The following TMPRSS11E variants were observed in gnomAD, a reference collection of about 807,000 sequenced individuals.
TMPRSS11E encodes the protein transmembrane serine protease 11E, also known as transmembrane protease serine 11E.
Under a neutral mutation model 48.1 loss-of-function variants are expected in TMPRSS11E, and 38 were observed. The ratio of observed to expected loss-of-function variants is 0.79; its 90% confidence interval spans 0.61 to 1.04. The LOEUF (loss-of-function observed/expected upper bound fraction) is 1.04. Ranked by LOEUF, TMPRSS11E falls within the 50% of genes least tolerant of loss-of-function variation. The pLI is 0.00. For synonymous variants in TMPRSS11E, 158 were observed against 171.9 expected (o/e 0.92, Z 0.63); for missense variants, 530 against 510.8 (o/e 1.04, Z -0.36).
rs893048522 is a variant in TMPRSS11E, at chr4:68,463,037, G to A, written c.136+1092G>A. Among the ~76,000 whole-genome samples, 15 of 152,170 alleles carry A rather than the reference G, an allele frequency of 9.9e-5. No homozygotes were observed. In the South Asian group the frequency reaches 2.9e-3, roughly 29 times the overall value. On this transcript the variant is annotated intron_variant, in intron 2 of 9. Coordinates refer to ENST00000305363, the MANE Select transcript of TMPRSS11E (RefSeq NM_014058.4). ...ATTATACTTGGATGTTCAAGGCACC[G>A]TAACCATAGAAGCTAATAACTTGAT... is the stretch of plus-strand genomic sequence containing the variant.
rs552099563 is a variant in TMPRSS11E, at chr4:68,463,947, C to T, written c.136+2002C>T. Among the ~76,000 whole-genome samples the T allele has an allele frequency of 2.7e-4, 41 of 152,272 alleles. 1 individual carries two copies. In the South Asian group the frequency reaches 7.9e-3, roughly 29 times the overall value. Reference sequence around the variant, plus strand: ...AATGTCCCTTTCTACTTCTCATTTGCCTCTTCCCAAGCCAAGTTTTATAAG... The same window carrying T: ...AATGTCCCTTTCTACTTCTCATTTGTCTCTTCCCAAGCCAAGTTTTATAAG... On this transcript the variant is annotated intron_variant, in intron 2 of 9. Coordinates refer to ENST00000305363, the MANE Select transcript of TMPRSS11E (RefSeq NM_014058.4).
chr4:68,449,841 G>A (rs1728445343), intron 1 of TMPRSS11E, among the ~76,000 whole-genome samples: 2 of 151,810 alleles, frequency 1.3e-5, no homozygotes, highest in African/African-American at 4.8e-5. Context: ...AATGGGAGGT[G>A]CTCTTTCCCA....
chr4:68,494,499 C>T (rs1244043368), intron 9 of TMPRSS11E, among the ~76,000 whole-genome samples: 3 of 152,104 alleles, frequency 2.0e-5, no homozygotes, highest in African/African-American at 7.2e-5. Context: ...TGTTAACACC[C>T]TAATCTATTC....
chr4:68,471,348 TC>T (rs2109688371), intron 4 of TMPRSS11E, 111 bp from the exon 5 acceptor site: 1 of 669,234 alleles, frequency 1.5e-6, no homozygotes, highest in African/African-American at 1.9e-5. Context: ...TTTCTTTCTT[TC>T]CTCCCTCCCT....
chr4:68,492,389 G>C (rs1729751732), intron 9 of TMPRSS11E, among the ~76,000 whole-genome samples: 1 of 152,186 alleles, frequency 6.6e-6, no homozygotes, highest in African/African-American at 2.4e-5. Context: ...ACCTGAGGTT[G>C]AAAAATGTGA....
At chr4:68,493,947 T>C (rs1278038012) in intron 9 of TMPRSS11E, among the ~76,000 whole-genome samples, 4 of 152,172 alleles carry the variant, frequency 2.6e-5, no homozygotes, top group Admixed American at 2.0e-4. Context: ...CGACCTTGCC[T>C]TTCTTAAGAC....
chr4:68,476,513 T>A (rs1036705296), intron 7 of TMPRSS11E, 75 bp downstream of exon 7: 2 of 1,433,698 alleles, frequency 1.4e-6, no homozygotes, highest in African/African-American at 1.4e-5. Context: ...ACCTCATGAA[T>A]TTTGGGAGAT....
At chr4:68,470,679 T>C (rs1310819963) in intron 4 of TMPRSS11E, among the ~76,000 whole-genome samples, 3 of 151,846 alleles carry the variant, frequency 2.0e-5, no homozygotes, top group Admixed American at 2.0e-4. Flanking sequence ...TAGTGGTTGA[T>C]GCAATATATA....
intron 5 of TMPRSS11E, among the ~76,000 whole-genome samples, chr4:68,473,690 C>A (rs964741102): frequency 6.6e-6 from 1 of 152,074 alleles, no homozygotes; most frequent in African/African-American, 2.4e-5. Flanking sequence ...AGACCCAGTG[C>A]AGATGTATAA....
chr4:68,449,557 G>A (rs753961351), intron 1 of TMPRSS11E, among the ~76,000 whole-genome samples: 6 of 151,680 alleles, frequency 4.0e-5, no homozygotes, highest in South Asian at 2.1e-4. Flanking sequence ...AGTGTGGTCC[G>A]TAGACCCCTG....
intron 6 of TMPRSS11E, 130 bp from the exon 7 acceptor site, chr4:68,476,131 G>A: frequency 8.2e-7 from 1 of 1,216,566 alleles, no homozygotes; most frequent in Non-Finnish European, 1.2e-6. Flanking sequence ...AAAGGTAAGA[G>A]CATGAGAAAA....
intron 9 of TMPRSS11E, among the ~76,000 whole-genome samples, chr4:68,480,212 CT>C (rs1295411716): frequency 1.4e-5 from 2 of 139,282 alleles, no homozygotes; most frequent in African/African-American, 5.1e-5. Context: ...TCTTAAAATA[CT>C]CTTTCAGTCC....
At chr4:68,463,484 G>T (rs1360203944) in intron 2 of TMPRSS11E, among the ~76,000 whole-genome samples, 1 of 152,042 alleles carries the variant, frequency 6.6e-6, no homozygotes, top group Non-Finnish European at 1.5e-5. Flanking sequence ...TCTATTTTTA[G>T]CAGAGACAGG....
chr4:68,490,075 C>T lies in TMPRSS11E; in HGVS notation c.1111-6568C>T, dbSNP rs149590783. ...CTGGAGGTCTGTGGTGTGAGTTGGC[C>T]ACTCCATGACCATTTAACTTACTCC... On this transcript the variant is annotated intron_variant, in intron 9 of 9. Transcript: ENST00000305363. Among the ~76,000 whole-genome samples the T allele has an allele frequency of 5.6e-3, 847 of 152,222 alleles. 6 individuals carry two copies. Among genetic ancestry groups the T allele is most frequent in the African/African-American group, 0.02 (814 of 41,530 alleles).
chr4:68,451,553 T>G (rs1451136376), intron 1 of TMPRSS11E, among the ~76,000 whole-genome samples: 1 of 151,922 alleles, frequency 6.6e-6, no homozygotes, highest in African/African-American at 2.4e-5. Flanking sequence ...TTTGCAACCT[T>G]TTATCTGAAA....
intron 1 of TMPRSS11E, among the ~76,000 whole-genome samples, chr4:68,449,005 TTTAA>T (rs1271533119): frequency 6.6e-6 from 1 of 151,768 alleles, no homozygotes; most frequent in Non-Finnish European, 1.5e-5. Context: ...GGTCATTGGT[TTTAA>T]CTCAGAAAGA....
intron 1 of TMPRSS11E, among the ~76,000 whole-genome samples, chr4:68,453,805 T>A (rs141461550): frequency 4.6e-5 from 7 of 152,064 alleles, no homozygotes; most frequent in Non-Finnish European, 8.8e-5. Context: ...GATAGGCAGG[T>A]AAGAGCTAAT....
rs1035364380 is a variant in TMPRSS11E, at chr4:68,497,569, G to T, written c.*765G>T. On this transcript the variant is annotated 3_prime_UTR_variant, in exon 10 of 10. Transcript: ENST00000305363. ...ATATTTATTTAACATTGTTACTGAG[G>T]ATGTCAACATATAACAATAAAATAT... is the stretch of plus-strand genomic sequence containing the variant. 10 of 151,948 alleles carry T rather than the reference G, an allele frequency of 6.6e-5. No homozygotes were observed. Among genetic ancestry groups the T allele is most frequent in the African/African-American group, 2.4e-4 (10 of 41,372 alleles). The allele number at this position is 151,948 out of a possible 1,614,324, so 9.4% of individuals were successfully genotyped here.
chr4:68,485,552 A>G (rs1474701274), intron 9 of TMPRSS11E, among the ~76,000 whole-genome samples: 8 of 152,150 alleles, frequency 5.3e-5, no homozygotes, highest in Non-Finnish European at 2.9e-5. Flanking sequence ...TTGGTTTGCA[A>G]GTATTTTGTT....
Sources: gnomAD v4.1 joint callset for allele counts (sites outside exome capture counted in the v4.1 genomes callset) on GRCh38, gnomAD v4.1.1 for gene constraint, MANE v1.5 for transcripts, NCBI Gene and HGNC (gene_info 2026-07-23, HGNC 2026-07-21) for gene names.